The following BRF1 variants were observed in gnomAD, a reference collection of about 807,000 sequenced individuals.
BRF1 encodes the protein BRF1 general transcription factor IIIB subunit.
BRF1 carries 59 observed loss-of-function variants against 81.7 expected under a neutral mutation model. That is an observed-to-expected ratio of 0.72 (90% CI 0.59 to 0.90). The LOEUF is 0.90. Ranked by LOEUF, BRF1 falls within the 40% of genes least tolerant of loss-of-function variation. The probability of loss-of-function intolerance (pLI) is 0.00; values close to 1 mark genes in which losing one functional copy is unlikely to be tolerated. For missense variants in BRF1, 1,050 were observed against 936.3 expected, an observed-to-expected ratio of 1.12 and a Z score of -1.58; for synonymous variants, 491 against 395.6, an observed-to-expected ratio of 1.24 and a Z score of -2.86.
Position 105,309,227 on chromosome 14 carries a change from A to G in BRF1, c.-162+6095T>C, listed in dbSNP as rs1291064818. ...GGGAAAGAAAGAAGTGTTAAAATTT[A>G]TGCATCAAGGTCCCTCTTAATCTTG... On this transcript the variant is annotated intron_variant, in intron 1 of 17. Coordinates refer to the BRF1 transcript ENST00000327359. The surrounding 1 kb of genome is among the most constrained non-coding windows in gnomAD (Gnocchi z 4.0). Among the ~76,000 whole-genome samples the G allele has an allele frequency of 6.6e-6, 1 of 152,186 alleles. No homozygotes were observed. The highest frequency in any genetic ancestry group is 1.5e-5 in the Non-Finnish European group (1 of 68,032).
intron 5 of BRF1, chr14:105,248,424 A>T: frequency 1.0e-6 from 1 of 985,322 alleles, no homozygotes; most frequent in Non-Finnish European, 1.2e-6. Context: ...ACCTCTGCAC[A>T]GCGCGCGGCT....
intron 1 of BRF1, among the ~76,000 whole-genome samples, chr14:105,292,922 C>T (rs1381834033): frequency 4.6e-5 from 7 of 152,188 alleles, no homozygotes; most frequent in Non-Finnish European, 8.8e-5. Context: ...CAGGCCACTG[C>T]GGAGGAGCTG....
intron 2 of BRF1, among the ~76,000 whole-genome samples, chr14:105,275,158 G>A (rs935645365): frequency 7.2e-5 from 11 of 152,212 alleles, no homozygotes; most frequent in African/African-American, 2.7e-4. Flanking sequence ...CCAGAGGTGG[G>A]CAGCTGCTGA....
At chr14:105,226,036 G>C (rs1263041865) in intron 10 of BRF1, 33 bp downstream of exon 10, 5 of 1,575,914 alleles carry the variant, frequency 3.2e-6, no homozygotes, top group African/African-American at 2.7e-5. Flanking sequence ...ACATTTTAAA[G>C]GTCTGAATAG....
chr14:105,210,632 C>T lies in BRF1; in HGVS notation c.1997-44G>A. The T allele has an allele frequency of 6.2e-7, 1 of 1,605,232 alleles. No homozygotes were observed. The highest frequency in any genetic ancestry group is 8.5e-7 in the Non-Finnish European group (1 of 1,177,638). ...ATGAAGCCCAGGGTCTCTGTGGGAC[C>T]CAGGAGCCCAGACCCCCCAACCCGC... On this transcript the variant is annotated intron_variant, in intron 17 of 17. Transcript: ENST00000547530. The surrounding 1 kb of genome is among the most constrained non-coding windows in gnomAD (Gnocchi z 4.7).
At chr14:105,221,437 C>T (rs1353708304) in intron 11 of BRF1, among the ~76,000 whole-genome samples, 1 of 152,188 alleles carries the variant, frequency 6.6e-6, no homozygotes, top group South Asian at 2.1e-4. Flanking sequence ...TGCATTCTGG[C>T]GTCGGCACAC....
intron 3 of BRF1, among the ~76,000 whole-genome samples, chr14:105,264,297 A>C (rs2056299110): frequency 6.6e-6 from 1 of 151,698 alleles, no homozygotes; most frequent in Non-Finnish European, 1.5e-5. Flanking sequence ...ATAGCAAGAC[A>C]CCATTCTCTA....
At chr14:105,249,794 C>T (rs755223740) in intron 5 of BRF1, 23 of 1,613,720 alleles carry the variant, frequency 1.4e-5, no homozygotes, top group Non-Finnish European at 1.9e-5. Flanking sequence ...CCTGCTGTCC[C>T]AGAGCCGGCT....
chr14:105,270,439 T>C (rs930606327), intron 3 of BRF1, among the ~76,000 whole-genome samples: 1 of 151,794 alleles, frequency 6.6e-6, no homozygotes, highest in African/African-American at 2.4e-5. Context: ...CCTCCCAAAG[T>C]GCTGGGATTA....
chr14:105,247,309 T>G, intron 5 of BRF1: 1 of 985,454 alleles, frequency 1.0e-6, no homozygotes, highest in Non-Finnish European at 1.2e-6. Flanking sequence ...GATCTCCAGC[T>G]GCTCTGCATT....
intron 11 of BRF1, among the ~76,000 whole-genome samples, chr14:105,221,188 C>A (rs186463888): frequency 1.3e-5 from 2 of 152,324 alleles, no homozygotes; most frequent in Admixed American, 1.3e-4. Flanking sequence ...GAGCTCCCAG[C>A]CAAATGGGCA....
intron 5 of BRF1, chr14:105,246,846 C>A: frequency 1.0e-6 from 1 of 985,518 alleles, no homozygotes; most frequent in Non-Finnish European, 1.2e-6. Context: ...CACCACCATG[C>A]AGATCAAGAC....
At chr14:105,221,496 G>A in intron 11 of BRF1, 152 bp downstream of exon 11, 1 of 1,105,412 alleles carries the variant, frequency 9.0e-7, no homozygotes. Context: ...GCCCCATTGG[G>A]GGGACTGGTG....
intron 3 of BRF1, among the ~76,000 whole-genome samples, chr14:105,258,488 C>CA (rs371399124): frequency 0.24 from 30,616 of 126,000 alleles, 3,600 homozygotes; most frequent in Middle Eastern, 0.36. Flanking sequence ...GACTCCGTCT[C>CA]AAAAAAAAAA....
chr14:105,258,898 C>A (rs1729076923), intron 3 of BRF1, among the ~76,000 whole-genome samples: 1 of 151,998 alleles, frequency 6.6e-6, no homozygotes, highest in Non-Finnish European at 1.5e-5. Context: ...AAAAAAATAG[C>A]CAACAAGCAC....
chr14:105,302,065 A>G (rs2058050495), upstream of BRF1, among the ~76,000 whole-genome samples: 1 of 151,630 alleles, frequency 6.6e-6, no homozygotes, highest in African/African-American at 2.4e-5. Flanking sequence ...CTTGAACCTG[A>G]GAGGTGGAGG....
intron 10 of BRF1, among the ~76,000 whole-genome samples, chr14:105,225,679 G>A (rs1460988685): frequency 1.3e-5 from 2 of 151,360 alleles, no homozygotes; most frequent in South Asian, 4.2e-4. Context: ...ACGGAGTCTC[G>A]CTCTGTCACC....
At position 105,226,301 on chromosome 14, in the gene BRF1, A is replaced by G; in HGVS notation, c.916-11T>C. ...CAGGACTTGTTCAAGCTGAAAGGGA[A>G]CAGGGCAAGAGGCTTCGTGAAGGGA... is the stretch of plus-strand genomic sequence containing the variant. On this transcript the variant is annotated splice_polypyrimidine_tract_variant and intron_variant, in intron 8 of 17. Coordinates refer to ENST00000547530, the MANE Select transcript of BRF1 (RefSeq NM_001519.4). 6.2e-7 allele frequency: 1 copy of G among 1,613,992 alleles called. No homozygotes were observed. The highest frequency in any genetic ancestry group is 8.5e-7 in the Non-Finnish European group (1 of 1,180,012).
In BRF1 at chr14:105,221,723, G is replaced by C. The variant is rs781342971; in HGVS notation, c.1240C>G (p.Pro414Ala). ...CCCAGGCTGGCTGCAGTGGGGAGGGGGTCCAGCAGGGACCCCAGGGCCGGA... is the reference window on the plus strand; with the variant it reads ...CCCAGGCTGGCTGCAGTGGGGAGGGCGTCCAGCAGGGACCCCAGGGCCGGA... ...RPPALGSLLDPLPTAASLGIS... is the reference protein window; with the variant it reads ...RPPALGSLLDALPTAASLGIS... The change falls in exon 11 of 18, where the codon CCC becomes GCC. Residue 414 changes from proline to alanine, a missense_variant. Coordinates refer to ENST00000547530, the MANE Select transcript of BRF1 (RefSeq NM_001519.4). 6.2e-7 allele frequency: 1 copy of C among 1,610,328 alleles called. No individual in the cohort carries two copies. Among genetic ancestry groups the C allele is most frequent in the African/African-American group, 1.3e-5 (1 of 74,760 alleles).
Sources: gnomAD v4.1 joint callset for allele counts (sites outside exome capture counted in the v4.1 genomes callset) on GRCh38, gnomAD v4.1.1 for gene constraint, Gnocchi (gnomAD v3.1) non-coding constraint, MANE v1.5 for transcripts, NCBI Gene and HGNC (gene_info 2026-07-23, HGNC 2026-07-21) for gene names.